The following FAF1 variants were observed in gnomAD, a reference collection of about 807,000 sequenced individuals.
FAF1 encodes FAS-associated factor 1.
In FAF1, 25 loss-of-function variants were observed where a neutral mutation model predicts 92.5. The observed-to-expected ratio is 0.27, with a 90% CI of 0.20 to 0.38. FAF1 has a LOEUF of 0.38. Among genes scored for constraint, FAF1 ranks in the 10% least tolerant of loss-of-function variants. The pLI, the probability that FAF1 is intolerant of heterozygous loss-of-function variation, is 1.00. For missense variants in FAF1, 636 were observed against 793.3 expected (o/e 0.80, Z 2.38); for synonymous variants, 234 against 273.2 (o/e 0.86, Z 1.42).
At chr1:50,840,700 A>G (rs751532863) in intron 2 of FAF1, among the ~76,000 whole-genome samples, 28 of 152,178 alleles carry the variant, frequency 1.8e-4, no homozygotes, top group Middle Eastern at 3.4e-3. Context: ...AAATTGGTAT[A>G]CTTCTCAGGC....
intron 18 of FAF1, among the ~76,000 whole-genome samples, chr1:50,470,305 A>C (rs1304422159): frequency 6.6e-6 from 1 of 152,200 alleles, no homozygotes; most frequent in African/African-American, 2.4e-5. Context: ...GGACTCAATA[A>C]TCTCAAAAAG....
At chr1:50,705,090 A>T (rs369730178) in intron 7 of FAF1, among the ~76,000 whole-genome samples, 1 of 152,188 alleles carries the variant, frequency 6.6e-6, no homozygotes, top group African/African-American at 2.4e-5. Flanking sequence ...CATCATTTCA[A>T]TGTTTCTAAA....
At chr1:50,521,846 T>C (rs1259756315) in intron 15 of FAF1, among the ~76,000 whole-genome samples, 1 of 152,202 alleles carries the variant, frequency 6.6e-6, no homozygotes, top group Admixed American at 6.5e-5. Flanking sequence ...CACGAAGAAG[T>C]CTTCACCTCA....
intron 3 of FAF1, among the ~76,000 whole-genome samples, chr1:50,791,150 CA>C (rs1191131431): frequency 6.6e-6 from 1 of 151,950 alleles, no homozygotes. Context: ...TAATCTTGTA[CA>C]AAAAAACATG....
chr1:50,582,226 CT>C (rs1171643204), intron 12 of FAF1, among the ~76,000 whole-genome samples: 1 of 152,024 alleles, frequency 6.6e-6, no homozygotes, highest in African/African-American at 2.4e-5. Context: ...GCACATCCAC[CT>C]TTTTTCCCAT....
Position 50,657,489 on chromosome 1 carries a change from C to T in FAF1, c.658-1961G>A, listed in dbSNP as rs146941488. ...AGCTGGGAAGATCAGTTGAGCCCAG[C>T]AGATAGAGGCAGCAATGAGCCACGA... On this transcript the variant is annotated intron_variant, in intron 7 of 18. Transcript: ENST00000396153. 6.4e-4 allele frequency among the ~76,000 whole-genome samples: 97 copies of T among 151,984 alleles called. No individual in the cohort carries two copies. The East Asian group carries it at 0.016, about 25-fold the overall frequency.
At chr1:50,588,145 GGTGCGGTGGCAGACGCCT>G (rs1651330240) in intron 9 of FAF1, among the ~76,000 whole-genome samples, 3 of 152,100 alleles carry the variant, frequency 2.0e-5, no homozygotes, top group Non-Finnish European at 4.4e-5. Context: ...AAATTAGCCT[GGTGCGGTGGCAGACGCCT>G]GTAATCCCAG....
intron 1 of FAF1, among the ~76,000 whole-genome samples, chr1:50,927,933 T>C (rs1335505312): frequency 6.6e-6 from 1 of 152,232 alleles, no homozygotes; most frequent in Non-Finnish European, 1.5e-5. Flanking sequence ...AAGAGTTGTT[T>C]ATATGGATGT....
At chr1:50,676,952 T>C (rs1242074334) in intron 7 of FAF1, among the ~76,000 whole-genome samples, 2 of 152,058 alleles carry the variant, frequency 1.3e-5, no homozygotes, top group Non-Finnish European at 2.9e-5. Context: ...GTGATATACA[T>C]GAAAAAGGGC....
At chr1:50,543,311 T>A (rs985279069) in intron 13 of FAF1, among the ~76,000 whole-genome samples, 2 of 152,100 alleles carry the variant, frequency 1.3e-5, no homozygotes. Flanking sequence ...GAGATGAAAT[T>A]CCACAAATGC....
At chr1:50,703,859 T>C (rs1207410958) in intron 7 of FAF1, among the ~76,000 whole-genome samples, 1 of 152,210 alleles carries the variant, frequency 6.6e-6, no homozygotes, top group African/African-American at 2.4e-5. Flanking sequence ...TGTAGTCATT[T>C]TGAATCATTC....
intron 18 of FAF1, among the ~76,000 whole-genome samples, chr1:50,456,053 C>G (rs532305749): frequency 2.0e-5 from 3 of 151,842 alleles, no homozygotes; most frequent in African/African-American, 7.3e-5. Context: ...CCAGTTTGGG[C>G]GACAGAGTGA....
At chr1:50,836,151 GTT>G (rs936744861) in intron 2 of FAF1, among the ~76,000 whole-genome samples, 3 of 110,426 alleles carry the variant, frequency 2.7e-5, no homozygotes, top group African/African-American at 1.0e-4. Context: ...GTGTGTGTGT[GTT>G]TTTGTTTTTT....
rs548508152 is a variant in FAF1, at chr1:50,594,144, C to T, written c.840+1977G>A. Among the ~76,000 whole-genome samples the T allele has an allele frequency of 3.3e-5, 5 of 151,954 alleles. No homozygotes were observed. The South Asian group carries it at 1.0e-3, about 32-fold the overall frequency. On this transcript the variant is annotated intron_variant, in intron 9 of 18. Transcript: ENST00000396153. ...CCTGGCCAACATAGTGAAACCCCGT[C>T]TCTATTAAAAACACAAAAAATTGAG...
At chr1:50,552,488 G>A (rs1649360480) in intron 13 of FAF1, among the ~76,000 whole-genome samples, 1 of 152,008 alleles carries the variant, frequency 6.6e-6, no homozygotes, top group Admixed American at 6.6e-5. Flanking sequence ...ATTTTAATAG[G>A]AAACAAAAGT....
chr1:50,504,781 T>C (rs893513428), intron 15 of FAF1, among the ~76,000 whole-genome samples: 4 of 152,210 alleles, frequency 2.6e-5, no homozygotes, highest in African/African-American at 9.6e-5. Context: ...GATCCAATGA[T>C]AAGACCCTGG....
chr1:50,463,370 ACAACT>A (rs776923123), intron 18 of FAF1, among the ~76,000 whole-genome samples: 60 of 152,260 alleles, frequency 3.9e-4, no homozygotes, highest in Non-Finnish European at 6.8e-4. Context: ...TTTTGCTGTA[ACAACT>A]CATAACCACA....
intron 2 of FAF1, among the ~76,000 whole-genome samples, chr1:50,857,643 C>T (rs922667184): frequency 6.6e-6 from 1 of 151,760 alleles, no homozygotes; most frequent in Non-Finnish European, 1.5e-5. Context: ...CTCTTCTCTC[C>T]TTCCGAGCAT....
intron 1 of FAF1, among the ~76,000 whole-genome samples, chr1:50,934,127 T>TCCC (rs1444763463): frequency 3.9e-5 from 6 of 152,334 alleles, no homozygotes; most frequent in African/African-American, 1.4e-4. Flanking sequence ...TTAGTGGTTG[T>TCCC]TCTCAGAATT....
Sources: gnomAD v4.1 joint callset for allele counts (sites outside exome capture counted in the v4.1 genomes callset) on GRCh38, gnomAD v4.1.1 for gene constraint, MANE v1.5 for transcripts, NCBI Gene and HGNC (gene_info 2026-07-23, HGNC 2026-07-21) for gene names.